The following MAP4K5 variants were observed in gnomAD, a reference collection of about 807,000 sequenced individuals.
MAP4K5 encodes the protein mitogen-activated protein kinase kinase kinase kinase 5, also known as MAPK/ERK kinase kinase kinase 5.
Under a neutral mutation model 135.6 loss-of-function variants are expected in MAP4K5, and 82 were observed. That is an observed-to-expected ratio of 0.60 (90% CI 0.51 to 0.73). The LOEUF is 0.73. MAP4K5 is among the 30% of genes least tolerant of loss of function. The probability of loss-of-function intolerance (pLI) is 0.00; values close to 1 mark genes in which losing one functional copy is unlikely to be tolerated. For synonymous variants in MAP4K5, 347 were observed against 335.0 expected, an observed-to-expected ratio of 1.04 and a Z score of -0.39; for missense variants, 907 against 1,010.9, an observed-to-expected ratio of 0.90 and a Z score of 1.39.
chr14:50,496,190 G>A (rs975483774), intron 3 of MAP4K5, among the ~76,000 whole-genome samples: 4 of 151,914 alleles, frequency 2.6e-5, no homozygotes, highest in Non-Finnish European at 5.9e-5. Flanking sequence ...GTCGGGTGTC[G>A]TGGTGGGAGC....
At chr14:50,480,712 C>T (rs1196479986) in intron 6 of MAP4K5, among the ~76,000 whole-genome samples, 6 of 152,060 alleles carry the variant, frequency 3.9e-5, no homozygotes, top group Admixed American at 1.3e-4. Context: ...TTTTGTTGTG[C>T]AAGTATCACA....
chr14:50,462,516 GA>G (rs2036733462), intron 13 of MAP4K5, 148 bp downstream of exon 13: 1 of 610,220 alleles, frequency 1.6e-6, no homozygotes, highest in Admixed American at 3.4e-5. Context: ...TTATGTGCAG[GA>G]AAAGTGTAGT....
chr14:50,510,707 G>GT (rs771211334), intron 2 of MAP4K5, among the ~76,000 whole-genome samples: 1 of 152,170 alleles, frequency 6.6e-6, no homozygotes, highest in East Asian at 1.9e-4. Context: ...TACTACAAAA[G>GT]TAAGATTTTG....
chr14:50,549,726 C>T (rs2038678020), intron 1 of MAP4K5, among the ~76,000 whole-genome samples: 1 of 152,134 alleles, frequency 6.6e-6, no homozygotes, highest in African/African-American at 2.4e-5. Context: ...CTGGAGGTTC[C>T]ACTACCATAT....
chr14:50,559,982 C>A (rs1355042495), intron 1 of MAP4K5: 2 of 499,380 alleles, frequency 4.0e-6, no homozygotes, highest in Non-Finnish European at 7.3e-6. Context: ...TGTTGCGGTA[C>A]GTGGTCTATC....
At chr14:50,524,310 T>C (rs2038213190) in intron 2 of MAP4K5, among the ~76,000 whole-genome samples, 1 of 152,176 alleles carries the variant, frequency 6.6e-6, no homozygotes, top group South Asian at 2.1e-4. Flanking sequence ...ACTTCCTCAC[T>C]TACCAATCAT....
At chr14:50,508,464 G>A (rs2037858822) in intron 2 of MAP4K5, among the ~76,000 whole-genome samples, 1 of 151,950 alleles carries the variant, frequency 6.6e-6, no homozygotes, top group Non-Finnish European at 1.5e-5. Context: ...ACTATCCCAA[G>A]GACAGAAAAC....
At chr14:50,557,947 C>T (rs900007287) in intron 1 of MAP4K5, among the ~76,000 whole-genome samples, 1 of 152,140 alleles carries the variant, frequency 6.6e-6, no homozygotes, top group Non-Finnish European at 1.5e-5. Context: ...CAAAAAGGGA[C>T]AATGTTAAAA....
At chr14:50,464,256 A>AT in intron 11 of MAP4K5, 123 bp from the exon 12 acceptor site, 1 of 602,120 alleles carries the variant, frequency 1.7e-6, no homozygotes, top group Non-Finnish European at 2.9e-6. Flanking sequence ...CCACTTAGTT[A>AT]AAGTACAATA....
At chr14:50,485,390 C>T (rs2037342140) in intron 5 of MAP4K5, among the ~76,000 whole-genome samples, 188 bp downstream of exon 5, 1 of 152,084 alleles carries the variant, frequency 6.6e-6, no homozygotes, top group South Asian at 2.1e-4. Context: ...TTTGTCACTT[C>T]AGGCTCAGGC....
chr14:50,428,347 G>C (rs747667564), intron 30 of MAP4K5, among the ~76,000 whole-genome samples: 2 of 151,672 alleles, frequency 1.3e-5, no homozygotes, highest in Admixed American at 6.6e-5. Context: ...CCTCCGCCTC[G>C]CGGGTTCAAG....
chr14:50,551,913 C>G (rs1307585615), intron 1 of MAP4K5, among the ~76,000 whole-genome samples: 1 of 152,022 alleles, frequency 6.6e-6, no homozygotes, highest in East Asian at 1.9e-4. Flanking sequence ...CAATACCAAA[C>G]AAGGAAAATT....
chr14:50,444,022 T>C lies in MAP4K5; in HGVS notation c.1354A>G (p.Ile452Val), dbSNP rs373537452. 285 of 1,601,618 alleles carry C rather than the reference T, an allele frequency of 1.8e-4. 2 individuals carry two copies. The Middle Eastern group carries it at 2.0e-3, about 11-fold the overall frequency. Reference protein sequence around the residue: ...ETSSIGNGDGISKLMSENTEG... With the variant: ...ETSSIGNGDGVSKLMSENTEG... ...GTATTTTCACTCATCAGTTTTGAAA[T>C]ACCATCACCATTTCCTAAAGAGAAT... Residue 452 changes from isoleucine (I) to valine (V), a missense_variant, in exon 19 of 33, where the codon ATT (isoleucine) becomes GTT (valine). Around this residue, in one of 3 missense-constraint regions of MAP4K5, gnomAD observed 690 missense variants for 777.4 expected, o/e 0.89. Coordinates refer to ENST00000682126, the MANE Select transcript of MAP4K5 (RefSeq NM_006575.6).
intron 28 of MAP4K5, among the ~76,000 whole-genome samples, chr14:50,433,384 T>C (rs1335373790): frequency 6.6e-6 from 1 of 152,302 alleles, no homozygotes; most frequent in South Asian, 2.1e-4. Flanking sequence ...TCAGGAATTT[T>C]GTAAGCCAAA....
At position 50,420,622 on chromosome 14, in the gene MAP4K5, AC is replaced by A. The variant is rs567633580; in HGVS notation, c.2454-517del. Among the ~76,000 whole-genome samples the A allele has an allele frequency of 3.9e-3, 591 of 152,212 alleles. 2 individuals are homozygous for A. Among genetic ancestry groups the A allele is most frequent in the South Asian group, 9.6e-3 (46 of 4,814 alleles). ...ACTTCAGCCTGGGTGAGAGAGTGAG[AC>A]CCCTTCTCAAATAAAAAACAACAAA... On this transcript the variant is annotated intron_variant, in intron 32 of 32. Transcript: ENST00000682126.
intron 2 of MAP4K5, among the ~76,000 whole-genome samples, chr14:50,524,561 T>C (rs1263358934): frequency 6.6e-6 from 1 of 151,804 alleles, no homozygotes; most frequent in Non-Finnish European, 1.5e-5. Flanking sequence ...CATGGAGCTT[T>C]GAAAACATAC....
At chr14:50,449,949 G>A (rs962848363) in intron 14 of MAP4K5, 1 of 152,004 alleles carries the variant, frequency 6.6e-6, no homozygotes, top group East Asian at 1.9e-4. Context: ...TGTTGTTGTT[G>A]TTGTTGTTGA....
intron 3 of MAP4K5, among the ~76,000 whole-genome samples, chr14:50,490,980 T>C (rs1458935402): frequency 6.6e-6 from 1 of 152,210 alleles, no homozygotes; most frequent in South Asian, 2.1e-4. Flanking sequence ...CTTCATACTC[T>C]GGGGATGAAC....
intron 6 of MAP4K5, among the ~76,000 whole-genome samples, chr14:50,478,325 T>C (rs1026825192): frequency 6.6e-6 from 1 of 152,140 alleles, no homozygotes; most frequent in African/African-American, 2.4e-5. Flanking sequence ...TAGATGTTTA[T>C]CATTTTTATT....
Sources: allele counts gnomAD v4.1 joint callset (sites outside exome capture counted in the v4.1 genomes callset), GRCh38; gene constraint gnomAD v4.1.1; regional missense constraint gnomAD v4.1.1; transcripts MANE v1.5; gene names NCBI Gene and HGNC (gene_info 2026-07-23, HGNC 2026-07-21).